SLC44A5: variants seen among roughly 807,000 people sequenced by gnomAD.
SLC44A5 encodes solute carrier family 44 member 5.
In SLC44A5, 57 loss-of-function variants were observed where a neutral mutation model predicts 101.8. The observed-to-expected ratio is 0.56, with a 90% confidence interval of 0.45 to 0.70. The LOEUF is 0.70. Among genes scored for constraint, SLC44A5 ranks in the 30% least tolerant of loss-of-function variants. The probability of loss-of-function intolerance (pLI) is 0.00; values close to 1 mark genes in which losing one functional copy is unlikely to be tolerated. For missense variants in SLC44A5, 737 were observed against 853.1 expected (o/e 0.86, Z 1.70); for synonymous variants, 281 against 290.9 (o/e 0.97, Z 0.35).
chr1:75,466,631 G>C (rs1014193006), intron 2 of SLC44A5, among the ~76,000 whole-genome samples: 1 of 147,598 alleles, frequency 6.8e-6, no homozygotes. Context: ...ACTCCAGCCT[G>C]GGTGACAGTT....
intron 5 of SLC44A5, among the ~76,000 whole-genome samples, chr1:75,277,456 C>G (rs1652018609): frequency 6.6e-6 from 1 of 152,124 alleles, no homozygotes; most frequent in South Asian, 2.1e-4. Flanking sequence ...AAGGTATGAA[C>G]TCAGGTGTGT....
intron 3 of SLC44A5, among the ~76,000 whole-genome samples, chr1:75,355,062 G>T (rs1453835085): frequency 6.6e-6 from 1 of 152,178 alleles, no homozygotes; most frequent in Non-Finnish European, 1.5e-5. Flanking sequence ...TAAATGAGAG[G>T]TTGGTAAGAT....
chr1:75,499,182 C>A (rs1005200394), intron 2 of SLC44A5, among the ~76,000 whole-genome samples: 1 of 152,278 alleles, frequency 6.6e-6, no homozygotes, highest in East Asian at 1.9e-4. Context: ...TGTTCCCCAA[C>A]CTTTTTGGCA....
chr1:75,248,556 A>G (rs1024816997), intron 7 of SLC44A5, among the ~76,000 whole-genome samples: 1 of 152,066 alleles, frequency 6.6e-6, no homozygotes, highest in African/African-American at 2.4e-5. Flanking sequence ...GTACTTGCTC[A>G]GTGAGACAGG....
At chr1:75,606,383 T>C (rs1417209854) in intron 1 of SLC44A5, among the ~76,000 whole-genome samples, 1 of 151,900 alleles carries the variant, frequency 6.6e-6, no homozygotes, top group African/African-American at 2.4e-5. Context: ...CTTACCTCCA[T>C]AGGAAACTGT....
intron 2 of SLC44A5, among the ~76,000 whole-genome samples, chr1:75,433,364 C>T (rs2101602479): frequency 6.6e-6 from 1 of 152,146 alleles, no homozygotes; most frequent in South Asian, 2.1e-4. Context: ...AGCTCTTTAC[C>T]CTTCATTCTA....
intron 1 of SLC44A5, among the ~76,000 whole-genome samples, chr1:75,596,992 C>T (rs1277389072): frequency 6.6e-6 from 1 of 151,966 alleles, no homozygotes; most frequent in Non-Finnish European, 1.5e-5. Flanking sequence ...TCAAGACCAG[C>T]CTGGGCAACA....
chr1:75,237,319 T>C (rs556948790), intron 10 of SLC44A5, among the ~76,000 whole-genome samples: 1 of 152,212 alleles, frequency 6.6e-6, no homozygotes, highest in South Asian at 2.1e-4. Flanking sequence ...CCTTTTCCAC[T>C]GTATGCAACA....
At position 75,227,956 on chromosome 1, in the gene SLC44A5, T is replaced by C. The variant is rs1647258409; in HGVS notation, c.854-99A>G. On this transcript the variant is annotated intron_variant, in intron 12 of 23. Transcript: ENST00000370859. ...CATATCTATATGAAACTGATCAGCA[T>C]GGTAATTTCTGCAAAGGCAAGACAC... 32 of 941,684 alleles carry C rather than the reference T, an allele frequency of 3.4e-5. No homozygotes were observed. In the South Asian group the frequency reaches 6.1e-4, roughly 18 times the overall value. 58.3% of individuals were successfully genotyped at this position (941,684 alleles called of 1,614,324 possible).
At chr1:75,679,366 G>A in the SLC44A5 span, among the ~76,000 whole-genome samples, 3 of 152,138 alleles carry the variant, frequency 2.0e-5, no homozygotes, top group Admixed American at 1.3e-4. Context: ...CAGAGAGAAA[G>A]GTCGGGTTAC....
the SLC44A5 span, among the ~76,000 whole-genome samples, chr1:75,617,967 G>A: frequency 6.6e-6 from 1 of 152,164 alleles, no homozygotes; most frequent in East Asian, 1.9e-4. Context: ...GAGTTGAAAA[G>A]CAGGTCCTGT....
At chr1:75,505,857 T>C (rs1669223912) in intron 2 of SLC44A5, among the ~76,000 whole-genome samples, 1 of 152,160 alleles carries the variant, frequency 6.6e-6, no homozygotes, top group Non-Finnish European at 1.5e-5. Context: ...TTAGTTTAGC[T>C]AGGTCTCACT....
chr1:75,241,003 T>C (rs1557565446), intron 9 of SLC44A5, among the ~76,000 whole-genome samples: 1 of 152,028 alleles, frequency 6.6e-6, no homozygotes, highest in South Asian at 2.1e-4. Flanking sequence ...TTATAACATA[T>C]ACATGCATGT....
At chr1:75,562,865 T>C (rs1672596695) in intron 1 of SLC44A5, among the ~76,000 whole-genome samples, 1 of 152,174 alleles carries the variant, frequency 6.6e-6, no homozygotes, top group Non-Finnish European at 1.5e-5. Flanking sequence ...GCTGTCATGA[T>C]ACCATAGTAA....
chr1:75,622,127 A>C, the SLC44A5 span, among the ~76,000 whole-genome samples: 1 of 152,132 alleles, frequency 6.6e-6, no homozygotes, highest in Non-Finnish European at 1.5e-5. Context: ...TCCTTAACTC[A>C]GAAAACATGC....
At chr1:75,666,706 C>T in the SLC44A5 span, among the ~76,000 whole-genome samples, 1 of 152,256 alleles carries the variant, frequency 6.6e-6, no homozygotes, top group East Asian at 1.9e-4. Flanking sequence ...TACTGGAAAA[C>T]TGAATCCAGC....
intron 3 of SLC44A5, among the ~76,000 whole-genome samples, chr1:75,367,628 T>A (rs1251651940): frequency 6.6e-6 from 1 of 152,202 alleles, no homozygotes; most frequent in Non-Finnish European, 1.5e-5. Flanking sequence ...CAGGGACAGA[T>A]GTGGTTCCTC....
intron 2 of SLC44A5, among the ~76,000 whole-genome samples, chr1:75,414,856 A>T (rs1448327961): frequency 2.0e-5 from 3 of 152,228 alleles, no homozygotes; most frequent in Non-Finnish European, 2.9e-5. Context: ...GGCAGAGACA[A>T]TAGTAAGAAG....
At chr1:75,508,236 C>T (rs887045884) in intron 2 of SLC44A5, among the ~76,000 whole-genome samples, 1 of 152,084 alleles carries the variant, frequency 6.6e-6, no homozygotes, top group Admixed American at 6.6e-5. Flanking sequence ...AATTAAACAA[C>T]TTGCTCCTGA....
Sources: allele counts gnomAD v4.1 joint callset (sites outside exome capture counted in the v4.1 genomes callset), GRCh38; gene constraint gnomAD v4.1.1; transcripts MANE v1.5; gene names NCBI Gene and HGNC (gene_info 2026-07-23, HGNC 2026-07-21).